The following SERPINB9 variants were observed in gnomAD, a reference collection of about 807,000 sequenced individuals.
SERPINB9 encodes serpin B9.
In SERPINB9, 20 loss-of-function variants were observed where a neutral mutation model predicts 27.2. The observed-to-expected ratio is 0.74, with a 90% CI of 0.52 to 1.07. The LOEUF is 1.07. Ranked by LOEUF, SERPINB9 falls within the 50% of genes least tolerant of loss-of-function variation. The pLI is 0.00. For synonymous variants in SERPINB9, 189 were observed against 180.0 expected (o/e 1.05, Z -0.40); for missense variants, 476 against 460.1 (o/e 1.03, Z -0.32).
Position 2,891,536 on chromosome 6 carries a change from A to G in SERPINB9, c.723+297T>C, listed in dbSNP as rs989042015. Reference sequence around the variant, plus strand: ...GAGTTAAAAGTCTGCCATTCATCAAACTAGCAGGATTTTTATAAGCTTCCT... The same window carrying G: ...GAGTTAAAAGTCTGCCATTCATCAAGCTAGCAGGATTTTTATAAGCTTCCT... On this transcript the variant is annotated intron_variant, in intron 6 of 6. Transcript: ENST00000380698. The surrounding 1 kb of genome is among the most constrained non-coding windows in gnomAD (Gnocchi z 4.0). 7.9e-5 allele frequency among the ~76,000 whole-genome samples: 12 copies of G among 152,122 alleles called. No homozygotes were observed. The highest frequency in any genetic ancestry group is 7.9e-4 in the Admixed American group (12 of 15,280).
rs554228987 is a variant in SERPINB9, at chr6:2,900,599, A to G, written c.13T>C (p.Ser5Pro). ...ATGGCAAAAGTACCACTTGCATTAGAAAGAGTTTCCATGATGCAGGGCCTG... is the reference window on the plus strand; with the variant it reads ...ATGGCAAAAGTACCACTTGCATTAGGAAGAGTTTCCATGATGCAGGGCCTG... METL[S>P]NASGTFAIRL... The change falls in exon 2 of 7, where the codon TCT becomes CCT. Residue 5 changes from serine (S) to proline (P), a missense_variant. By Grantham distance (74) the Ser-to-Pro change is moderately conservative. Transcript: ENST00000380698. The G allele has an allele frequency of 1.9e-6, 3 of 1,614,078 alleles. No individual in the cohort carries two copies. The highest frequency in any genetic ancestry group is 1.1e-5 in the South Asian group (1 of 91,072).
Position 2,893,401 on chromosome 6 carries a change from CT to C in SERPINB9, c.567+9del, listed in dbSNP as rs916442162. 1 of 1,592,798 alleles carries C rather than the reference CT, an allele frequency of 6.3e-7. No homozygotes were observed. The highest frequency in any genetic ancestry group is 1.7e-5 in the Admixed American group (1 of 57,392). On this transcript the variant is annotated intron_variant, in intron 5 of 6. Transcript: ENST00000380698. ...ATCAAACTAGCAGGATTTTAAAAAGCTTCCCCCACCTGGTTTATTTTAAAGG... is the reference window on the plus strand; with the variant it reads ...ATCAAACTAGCAGGATTTTAAAAAGCTCCCCCACCTGGTTTATTTTAAAGG...
At chr6:2,895,933 A>T in intron 3 of SERPINB9, 120 bp downstream of exon 3, 13 of 1,085,244 alleles carry the variant, frequency 1.2e-5, no homozygotes, top group Non-Finnish European at 1.7e-5. Context: ...AAAAAAAAAT[A>T]GTGCAATTTT....
rs1214970311 is a variant in SERPINB9, at chr6:2,903,263, C to A, written c.-73G>T. 1 of 152,356 alleles carries A rather than the reference C, an allele frequency of 6.6e-6. No homozygotes were observed. The highest frequency in any genetic ancestry group is 1.5e-5 in the Non-Finnish European group (1 of 68,138). The allele number at this position is 152,356 out of a possible 1,614,324, so 9.4% of individuals were successfully genotyped here. A position where few individuals can be genotyped will look rare whatever the true frequency, so the allele number is the denominator to read the frequency against. On this transcript the variant is annotated 5_prime_UTR_variant, in exon 1 of 7. Coordinates refer to ENST00000380698, the MANE Select transcript of SERPINB9 (RefSeq NM_004155.6). The surrounding 1 kb of genome is among the most constrained non-coding windows in gnomAD (Gnocchi z 5.2). ...GCGCTCCGAGCCTGGACGCCGACCC[C>A]CGAGGCGCAGGACCCGGCCCTGCTG...
rs537090813 is a variant in SERPINB9, at chr6:2,890,535, G to C, written c.759C>G (p.Ala253=). ...TCTTCATACAGTCTGGCTTGGTCCAGGCTGTGAGTTTCTCAAAAGTGAGAC... is the reference window on the plus strand; with the variant it reads ...TCTTCATACAGTCTGGCTTGGTCCACGCTGTGAGTTTCTCAAAAGTGAGAC... ...EKSLTFEKLT[A]WTKPDCMKST... is the part of the protein sequence containing the mutation. Residue 253 remains alanine, a synonymous_variant, in exon 7 of 7, where the codon GCC becomes GCG. Transcript: ENST00000380698. The surrounding 1 kb of genome is among the most constrained non-coding windows in gnomAD (Gnocchi z 6.2). The C allele has an allele frequency of 6.2e-7, 1 of 1,610,366 alleles. No homozygotes were observed. Among genetic ancestry groups the C allele is most frequent in the Non-Finnish European group, 8.5e-7 (1 of 1,177,124 alleles).
chr6:2,896,312 C>T (rs1010776121), intron 2 of SERPINB9, 122 bp from the exon 3 acceptor site: 3 of 794,450 alleles, frequency 3.8e-6, no homozygotes, highest in Non-Finnish European at 6.0e-6. Flanking sequence ...ATGGATCTCG[C>T]TTGTTTAAAG....
intron 3 of SERPINB9, 47 bp from the exon 4 acceptor site, chr6:2,895,555 T>A (rs753148350): frequency 4.0e-6 from 5 of 1,240,396 alleles, no homozygotes. Context: ...TAAATACAAA[T>A]GTCAGCAAAC....
chr6:2,889,057 T>G lies in SERPINB9; in HGVS notation c.*1106A>C, dbSNP rs1767687678. ...AAGAACTACCACGAAAGAAGTGCCC[T>G]CCAAGTACAAAGAGAGTTCAAATAT... On this transcript the variant is annotated 3_prime_UTR_variant, in exon 7 of 7. Transcript: ENST00000380698. 6.6e-6 allele frequency: 1 copy of G among 152,168 alleles called. No individual in the cohort carries two copies. 9.4% of individuals were successfully genotyped at this position (152,168 alleles called of 1,614,324 possible).
Position 2,893,478 on chromosome 6 carries a change from A to C in SERPINB9, c.500T>G (p.Phe167Cys). ...AAACGGTTCATTCCACTTTCCTTTG[A>C]AGTAGATGGCATTGACAAGAACCAG... The part of the protein sequence containing the change: ...TRLVLVNAIY[F>C]KGKWNEPFDE... Residue 167 changes from phenylalanine to cysteine, a missense_variant, in exon 5 of 7, where the codon TTC (phenylalanine) becomes TGC (cysteine). By Grantham distance (205) the Phe-to-Cys change is radical. Transcript: ENST00000380698. 6.2e-7 allele frequency: 1 copy of C among 1,613,552 alleles called. No individual in the cohort carries two copies. The highest frequency in any genetic ancestry group is 8.5e-7 in the Non-Finnish European group (1 of 1,179,726).
intron 2 of SERPINB9, among the ~76,000 whole-genome samples, chr6:2,897,286 C>T (rs150466458): frequency 6.8e-4 from 103 of 152,082 alleles, no homozygotes; most frequent in Non-Finnish European, 9.0e-4. Context: ...GCCAAGATGG[C>T]GAAATCCTGT....
chr6:2,900,319 G>T, intron 2 of SERPINB9, 125 bp downstream of exon 2: 1 of 1,170,590 alleles, frequency 8.5e-7, no homozygotes, highest in Non-Finnish European at 1.2e-6. Context: ...CCCTGAAACG[G>T]CCAGTGCACA....
At chr6:2,901,054 T>G (rs1194054751) in intron 1 of SERPINB9, among the ~76,000 whole-genome samples, 1 of 152,226 alleles carries the variant, frequency 6.6e-6, no homozygotes, top group African/African-American at 2.4e-5. Flanking sequence ...GATTTTCAAC[T>G]GGGCACCAGC....
chr6:2,901,943 C>T (rs953826323), intron 1 of SERPINB9, among the ~76,000 whole-genome samples: 9 of 149,690 alleles, frequency 6.0e-5, no homozygotes, highest in East Asian at 3.9e-4. Flanking sequence ...GCCACCCCCA[C>T]GCCACAGCCA....
chr6:2,900,533 T>C lies in SERPINB9; in HGVS notation c.79A>G (p.Asn27Asp). Residue 27 changes from asparagine (N) to aspartate (D), a missense_variant, in exon 2 of 7, where the codon AAC becomes GAC. Asn to Asp is a conservative substitution (Grantham distance 23, BLOSUM62 1). Coordinates refer to ENST00000380698, the MANE Select transcript of SERPINB9 (RefSeq NM_004155.6). ...ATGCTCACAGGAGAACAGAACACGTTGTGCGAAGGGTTATCTTGACACAGT... is the reference window on the plus strand; with the variant it reads ...ATGCTCACAGGAGAACAGAACACGTCGTGCGAAGGGTTATCTTGACACAGT... ...KILCQDNPSHNVFCSPVSISS... is the reference protein window; with the variant it reads ...KILCQDNPSHDVFCSPVSISS... The C allele has an allele frequency of 1.2e-6, 2 of 1,614,158 alleles. No homozygotes were observed. Among genetic ancestry groups the C allele is most frequent in the Non-Finnish European group, 1.7e-6 (2 of 1,180,036 alleles).
Position 2,895,645 on chromosome 6 carries a change from T to C in SERPINB9, c.307-137A>G, listed in dbSNP as rs116694951. ...CTTTAAAAGTGATCATATGAAGATA[T>C]GTTAAAATATCAGAGTTTGTGAATA... is the stretch of plus-strand genomic sequence containing the variant. On this transcript the variant is annotated intron_variant, in intron 3 of 6. Transcript: ENST00000380698. The C allele has an allele frequency of 3.1e-3, 2,036 of 648,752 alleles. 6 individuals carry two copies. Among genetic ancestry groups the C allele is most frequent in the Non-Finnish European group, 4.5e-3 (1,681 of 375,108 alleles). 40.2% of individuals were successfully genotyped at this position (648,752 alleles called of 1,614,324 possible). A position where few individuals can be genotyped will look rare whatever the true frequency, so the allele number is the denominator to read the frequency against.
chr6:2,897,968 G>A (rs1768057861), intron 2 of SERPINB9, among the ~76,000 whole-genome samples: 1 of 152,174 alleles, frequency 6.6e-6, no homozygotes. Flanking sequence ...TACTCGGGAG[G>A]CTGAGGCAGG....
At chr6:2,899,313 C>T (rs1225495628) in intron 2 of SERPINB9, among the ~76,000 whole-genome samples, 1 of 152,118 alleles carries the variant, frequency 6.6e-6, no homozygotes, top group Non-Finnish European at 1.5e-5. Flanking sequence ...AGGGTTCTCA[C>T]GCTTGAATGC....
rs555164400 is a variant in SERPINB9, at chr6:2,889,906, T to G, written c.*257A>C. The G allele has an allele frequency of 2.7e-6, 1 of 371,666 alleles. No homozygotes were observed. The highest frequency in any genetic ancestry group is 2.0e-5 in the African/African-American group (1 of 50,418). The allele number at this position is 371,666 out of a possible 1,614,324, so 23.0% of individuals were successfully genotyped here. On this transcript the variant is annotated 3_prime_UTR_variant, in exon 7 of 7. Coordinates refer to ENST00000380698, the MANE Select transcript of SERPINB9 (RefSeq NM_004155.6). ...TGTGGAATTCTAGAAGAACTTTGCT[T>G]GCCATCCTATGGGATTTGGACTGCA...
At position 2,891,804 on chromosome 6, in the gene SERPINB9, C is replaced by T; in HGVS notation, c.723+29G>A. 5 of 1,566,792 alleles carry T rather than the reference C, an allele frequency of 3.2e-6. No individual in the cohort carries two copies. Among genetic ancestry groups the T allele is most frequent in the Non-Finnish European group, 4.3e-6 (5 of 1,164,106 alleles). ...TCGAGTTCTGCCCGCAAAGGTGTCCCTGGGTTCTTCCCGCAGCCCGGGTCT... is the reference window on the plus strand; with the variant it reads ...TCGAGTTCTGCCCGCAAAGGTGTCCTTGGGTTCTTCCCGCAGCCCGGGTCT... On this transcript the variant is annotated intron_variant, in intron 6 of 6. Coordinates refer to ENST00000380698, the MANE Select transcript of SERPINB9 (RefSeq NM_004155.6). The surrounding 1 kb of genome is among the most constrained non-coding windows in gnomAD (Gnocchi z 4.0).
Sources: gnomAD v4.1 joint callset for allele counts (sites outside exome capture counted in the v4.1 genomes callset) on GRCh38, gnomAD v4.1.1 for gene constraint, Gnocchi (gnomAD v3.1) non-coding constraint, MANE v1.5 for transcripts, NCBI Gene and HGNC (gene_info 2026-07-23, HGNC 2026-07-21) for gene names.